The following FMN2 variants were observed in gnomAD, a reference collection of about 807,000 sequenced individuals.
FMN2 encodes the protein formin 2.
Under a neutral mutation model 142.3 loss-of-function variants are expected in FMN2, and 51 were observed. The observed-to-expected ratio is 0.36, with a 90% CI of 0.29 to 0.45. The LOEUF (loss-of-function observed/expected upper bound fraction) is 0.45. Among genes scored for constraint, FMN2 ranks in the 20% least tolerant of loss-of-function variants. FMN2 has a pLI of 1.00. For missense variants in FMN2, 1,936 were observed against 2,122.8 expected (o/e 0.91, Z 1.73); for synonymous variants, 882 against 869.8 (o/e 1.01, Z -0.25).
At chr1:240,188,700 A>C (rs1665581194) in intron 4 of FMN2, among the ~76,000 whole-genome samples, 1 of 152,184 alleles carries the variant, frequency 6.6e-6, no homozygotes, top group African/African-American at 2.4e-5. Flanking sequence ...TATCTGTTTA[A>C]TTTCCAGGAA....
intron 17 of FMN2, among the ~76,000 whole-genome samples, chr1:240,472,681 T>C (rs1028116596): frequency 6.6e-6 from 1 of 152,086 alleles, no homozygotes; most frequent in Non-Finnish European, 1.5e-5. Context: ...GGGTGGTGGC[T>C]CATGCCTGTA....
chr1:240,439,279 A>AG (rs1553265378), intron 16 of FMN2, among the ~76,000 whole-genome samples: 1 of 124,724 alleles, frequency 8.0e-6, no homozygotes, highest in Non-Finnish European at 1.6e-5. Flanking sequence ...TCAAAAAAAA[A>AG]AAAGAAAGAA....
At chr1:240,272,590 T>A (rs1309142637) in intron 7 of FMN2, among the ~76,000 whole-genome samples, 3 of 152,186 alleles carry the variant, frequency 2.0e-5, no homozygotes, top group Non-Finnish European at 4.4e-5. Flanking sequence ...AAGTGAGGAT[T>A]CTGAGAGTTC....
intron 8 of FMN2, among the ~76,000 whole-genome samples, chr1:240,319,808 T>G (rs7519584): frequency 0.23 from 34,685 of 152,036 alleles, 4,155 homozygotes; most frequent in Admixed American, 0.34. Context: ...ATTCGAGAAA[T>G]AGTTGCTTAG....
At chr1:240,100,557 G>A (rs1017878195) in intron 1 of FMN2, among the ~76,000 whole-genome samples, 1 of 152,292 alleles carries the variant, frequency 6.6e-6, no homozygotes. Flanking sequence ...TTCTAAGAAT[G>A]AGTAACAATT....
At chr1:240,345,762 C>T (rs546362750) in intron 13 of FMN2, among the ~76,000 whole-genome samples, 233 of 152,146 alleles carry the variant, frequency 1.5e-3, no homozygotes, top group African/African-American at 5.3e-3. Flanking sequence ...GGATTACAGG[C>T]GTGAGCCACC....
intron 2 of FMN2, among the ~76,000 whole-genome samples, chr1:240,161,896 T>A (rs1219616774): frequency 6.6e-6 from 1 of 152,086 alleles, no homozygotes; most frequent in Non-Finnish European, 1.5e-5. Context: ...ATCTTGTTGC[T>A]TATGGAGTAG....
rs191667217 is a variant in FMN2, at chr1:240,339,526, T to A, written c.4765+5297T>A. Among the ~76,000 whole-genome samples the A allele has an allele frequency of 5.4e-3, 825 of 151,528 alleles. 2 individuals carry two copies. Among genetic ancestry groups the A allele is most frequent in the South Asian group, 0.024 (114 of 4,818 alleles). On this transcript the variant is annotated intron_variant, in intron 13 of 17. Transcript: ENST00000319653. The stretch of plus-strand genomic sequence containing the variant: ...ACTGTTTTATGATTTTTAAAAAAAA[T>A]TTAAAAAAAATTTATTGAGGTAAAA...
intron 2 of FMN2, among the ~76,000 whole-genome samples, chr1:240,124,845 T>C (rs891769868): frequency 6.6e-6 from 1 of 152,092 alleles, no homozygotes. Flanking sequence ...TTTTTGTATT[T>C]TTAGTAGAGA....
At chr1:240,155,247 G>A (rs1209554112) in intron 2 of FMN2, among the ~76,000 whole-genome samples, 3 of 151,982 alleles carry the variant, frequency 2.0e-5, no homozygotes, top group Non-Finnish European at 2.9e-5. Context: ...TAGCTACCAG[G>A]ATGTGGTAAT....
chr1:240,221,121 T>G (rs1036197352), intron 6 of FMN2, among the ~76,000 whole-genome samples: 1 of 152,248 alleles, frequency 6.6e-6, no homozygotes, highest in African/African-American at 2.4e-5. Context: ...CTATCATTGA[T>G]GGGCATTTTG....
chr1:240,461,825 AG>A (rs1676460425), intron 16 of FMN2, among the ~76,000 whole-genome samples: 1 of 152,164 alleles, frequency 6.6e-6, no homozygotes, highest in African/African-American at 2.4e-5. Flanking sequence ...TTTGGTCACA[AG>A]GTGGTCAAAT....
chr1:240,232,378 C>T (rs1220088157), intron 6 of FMN2, among the ~76,000 whole-genome samples: 1 of 151,866 alleles, frequency 6.6e-6, no homozygotes, highest in Non-Finnish European at 1.5e-5. Context: ...GCGTGAGCCA[C>T]TGCACTCAGC....
At chr1:240,320,029 T>C (rs1670917287) in intron 8 of FMN2, among the ~76,000 whole-genome samples, 1 of 152,132 alleles carries the variant, frequency 6.6e-6, no homozygotes, top group Non-Finnish European at 1.5e-5. Context: ...CATCTAGGAA[T>C]CTGAATCTGC....
chr1:240,423,046 GAA>G (rs1674826850), intron 15 of FMN2, among the ~76,000 whole-genome samples: 4 of 152,142 alleles, frequency 2.6e-5, no homozygotes, highest in Admixed American at 6.5e-5. Context: ...CAAGATAAAA[GAA>G]ATGCCAGTTT....
Position 240,092,787 on chromosome 1 carries a change from C to T in FMN2, c.678C>T (p.Leu226=), listed in dbSNP as rs537510607. The change falls in exon 1 of 18, where the codon CTC becomes CTT. Residue 226 remains leucine, a synonymous_variant. Coordinates refer to ENST00000319653, the MANE Select transcript of FMN2 (RefSeq NM_020066.5). ...QLQQQQQQQQ[L]QGAEEPAAPP... ...AGCAACAGCAGCAGCAGCAGCAGCT[C>T]CAGGGCGCCGAGGAGCCTGCAGCGC... 1 of 1,600,254 alleles carries T rather than the reference C, an allele frequency of 6.2e-7. No individual in the cohort carries two copies. Among genetic ancestry groups the T allele is most frequent in the Non-Finnish European group, 8.5e-7 (1 of 1,173,900 alleles).
Position 240,092,047 on chromosome 1 carries a change from G to A in FMN2, c.-63G>A, listed in dbSNP as rs961981684. 6.7e-7 allele frequency: 1 copy of A among 1,495,590 alleles called. No homozygotes were observed. Among genetic ancestry groups the A allele is most frequent in the Non-Finnish European group, 8.9e-7 (1 of 1,126,790 alleles). 92.6% of individuals were successfully genotyped at this position (1,495,590 alleles called of 1,614,324 possible). The stretch of plus-strand genomic sequence containing the variant: ...GAGACTCCCTAGGCCCGGACCTGGG[G>A]CCGAGGAGGGCCGGGATGGCCTGAG... On this transcript the variant is annotated 5_prime_UTR_variant, in exon 1 of 18. Transcript: ENST00000319653.
intron 8 of FMN2, among the ~76,000 whole-genome samples, chr1:240,312,514 G>A (rs925407504): frequency 1.3e-5 from 2 of 151,972 alleles, no homozygotes; most frequent in African/African-American, 4.8e-5. Flanking sequence ...CCTTAGTATT[G>A]TATCTCCTTG....
At chr1:240,295,189 TACAC>T (rs67137806) in intron 8 of FMN2, among the ~76,000 whole-genome samples, 24,936 of 143,898 alleles carry the variant, frequency 0.17, 2,104 homozygotes, top group South Asian at 0.24. Flanking sequence ...GTGCACTTCA[TACAC>T]ACACACACAC....
Sources: allele counts gnomAD v4.1 joint callset (sites outside exome capture counted in the v4.1 genomes callset), GRCh38; gene constraint gnomAD v4.1.1; transcripts MANE v1.5; gene names NCBI Gene and HGNC (gene_info 2026-07-23, HGNC 2026-07-21).